FAM78B: variants seen among roughly 807,000 people sequenced by gnomAD.
FAM78B encodes the protein protein FAM78B.
In FAM78B, 10 loss-of-function variants were observed where a neutral mutation model predicts 20.0. The observed-to-expected ratio is 0.50, with a 90% CI of 0.31 to 0.85. FAM78B has a LOEUF of 0.85. Ranked by LOEUF, FAM78B falls within the 40% of genes least tolerant of loss-of-function variation. The pLI is 0.05. For synonymous variants in FAM78B, 135 were observed against 132.8 expected (o/e 1.02, Z -0.12); for missense variants, 283 against 345.0 (o/e 0.82, Z 1.42).
intron 1 of FAM78B, among the ~76,000 whole-genome samples, chr1:166,145,996 T>A (rs1655439065): frequency 6.6e-6 from 1 of 152,190 alleles, no homozygotes; most frequent in Non-Finnish European, 1.5e-5. Flanking sequence ...TTCTTTTCAT[T>A]TGCGAAGGAG....
chr1:166,104,917 A>G (rs1009815964), intron 1 of FAM78B, among the ~76,000 whole-genome samples: 2 of 152,236 alleles, frequency 1.3e-5, no homozygotes, highest in African/African-American at 4.8e-5. Flanking sequence ...AGCAAAAAGA[A>G]CAAAGCTGGA....
rs147935609 is a variant in FAM78B at position 166,109,059 on chromosome 1, G to C, written c.264-38296C>G. On this transcript the variant is annotated intron_variant, in intron 1 of 1. Coordinates refer to ENST00000354422, the MANE Select transcript of FAM78B (RefSeq NM_001017961.5). ...AAGACCCAAAACTATAAAAATTCTA[G>C]AAGATAACACTGGAAAAACCCTTCT... is the stretch of plus-strand genomic sequence containing the variant. Among the ~76,000 whole-genome samples the C allele has an allele frequency of 1.7e-4, 26 of 152,244 alleles. 1 individual carries two copies. The highest frequency in any genetic ancestry group is 5.1e-4 in the African/African-American group (21 of 41,558).
At chr1:166,062,229 A>G (rs1243082835) in intron 2 of FAM78B, among the ~76,000 whole-genome samples, 1 of 152,180 alleles carries the variant, frequency 6.6e-6, no homozygotes, top group Admixed American at 6.5e-5. Flanking sequence ...GGCCTGCATC[A>G]GACCACCATC....
chr1:166,114,198 T>C (rs1654173385), intron 1 of FAM78B, among the ~76,000 whole-genome samples: 2 of 152,214 alleles, frequency 1.3e-5, no homozygotes, highest in Admixed American at 1.3e-4. Flanking sequence ...TTTGAGGTGC[T>C]AACACATGCA....
rs373754478 is a variant in FAM78B at position 166,154,748 on chromosome 1, GA to G, written c.263+11237del. 1.9e-4 allele frequency: 100 copies of G among 521,366 alleles called. 1 individual carries two copies. The East Asian group carries it at 5.1e-3, about 27-fold the overall frequency. 32.3% of individuals were successfully genotyped at this position (521,366 alleles called of 1,614,324 possible). A position where few individuals can be genotyped will look rare whatever the true frequency, so the allele number is the denominator to read the frequency against. Reference sequence around the variant, plus strand: ...GCCCTGACCCACAGAATTAGCCAGTGATCCAGGCCCATGGACCTGAGTCTGA... The same window carrying G: ...GCCCTGACCCACAGAATTAGCCAGTGTCCAGGCCCATGGACCTGAGTCTGA... On this transcript the variant is annotated intron_variant, in intron 1 of 1. Transcript: ENST00000354422.
At chr1:166,163,455 C>T (rs992823191) in intron 1 of FAM78B, among the ~76,000 whole-genome samples, 8 of 152,164 alleles carry the variant, frequency 5.3e-5, no homozygotes, top group African/African-American at 1.9e-4. Flanking sequence ...GAGTTTCTTG[C>T]CATTTTATGT....
At chr1:166,071,953 GC>G (rs1652048093) in intron 1 of FAM78B, among the ~76,000 whole-genome samples, 1 of 152,178 alleles carries the variant, frequency 6.6e-6, no homozygotes, top group African/African-American at 2.4e-5. Flanking sequence ...AGTCTAGTCA[GC>G]AGAGTGTTGA....
chr1:166,057,214 G>GT (rs1249820099), downstream of FAM78B, among the ~76,000 whole-genome samples: 1 of 152,182 alleles, frequency 6.6e-6, no homozygotes, highest in Non-Finnish European at 1.5e-5. Flanking sequence ...TCCCCTTACA[G>GT]TTGTCCATGC....
chr1:166,056,285 T>TAGAG (rs756989334), downstream of FAM78B, among the ~76,000 whole-genome samples: 1 of 144,600 alleles, frequency 6.9e-6, no homozygotes. Flanking sequence ...TGTGCGTGTG[T>TAGAG]AGAGAGAGAG....
intron 1 of FAM78B, among the ~76,000 whole-genome samples, chr1:166,102,877 C>G (rs1200742540): frequency 1.3e-5 from 2 of 152,168 alleles, no homozygotes; most frequent in Non-Finnish European, 2.9e-5. Context: ...ATCTACAGAA[C>G]TCTCCACCCC....
intron 1 of FAM78B, among the ~76,000 whole-genome samples, chr1:166,096,549 C>CT (rs577880741): frequency 1.1e-3 from 160 of 152,354 alleles, no homozygotes; most frequent in African/African-American, 3.8e-3. Context: ...ATTCCTGGTT[C>CT]TGCGAAGTCC....
chr1:166,104,107 T>C (rs1653662087), intron 1 of FAM78B, among the ~76,000 whole-genome samples: 3 of 152,246 alleles, frequency 2.0e-5, no homozygotes, highest in African/African-American at 7.2e-5. Context: ...AAAAACCACA[T>C]GATTATCTCA....
intron 1 of FAM78B, among the ~76,000 whole-genome samples, chr1:166,109,890 G>GTATATATGTGTATATATATATA (rs1557903394): frequency 1.1e-3 from 26 of 23,190 alleles, no homozygotes; most frequent in Non-Finnish European, 2.6e-3. Flanking sequence ...ATGTATATAT[G>GTATATATGTGTATATATATATA]TATATATATA....
At chr1:166,104,691 A>G (rs1653691430) in intron 1 of FAM78B, among the ~76,000 whole-genome samples, 1 of 152,216 alleles carries the variant, frequency 6.6e-6, no homozygotes, top group Admixed American at 6.5e-5. Context: ...ACCACTGCTC[A>G]ACAAAATAAA....
Position 166,166,136 on chromosome 1 carries a change from G to T in FAM78B, c.113C>A (p.Ser38Ter). 6.2e-7 allele frequency: 1 copy of T among 1,609,104 alleles called. No homozygotes were observed. Among genetic ancestry groups the T allele is most frequent in the East Asian group, 2.2e-5 (1 of 44,520 alleles). The change falls in exon 1 of 2, where the codon TCG becomes TAG. Residue 38 changes from serine to a stop codon, truncating the protein, a stop_gained. Coordinates refer to ENST00000354422, the MANE Select transcript of FAM78B (RefSeq NM_001017961.5). LOFTEE classifies it high-confidence loss of function. ...DQCPTRIEET[S>*]PIVLRYKTPY... ...GGTCTTGTAGCGCAGGACGATGGGC[G>T]AGGTCTCCTCGATGCGCGTGGGGCA...
chr1:166,141,675 T>C (rs16856617), intron 1 of FAM78B, among the ~76,000 whole-genome samples: 3,584 of 152,294 alleles, frequency 0.024, 167 homozygotes, highest in African/African-American at 0.082. Flanking sequence ...TGATGGGAGG[T>C]ACGTATCTAT....
At chr1:166,084,237 A>ACACACACACACACACACT (rs771421402) in intron 1 of FAM78B, among the ~76,000 whole-genome samples, 170 of 125,464 alleles carry the variant, frequency 1.4e-3, no homozygotes, top group African/African-American at 4.6e-3. Context: ...ACACACACAC[A>ACACACACACACACACACT]CTCTCTCTCT....
rs113411950 is a variant in FAM78B at position 166,161,156 on chromosome 1, T to A, written c.263+4830A>T. ...TCAGAGAACAGAAAGAGATTTTCTT[T>A]CTTTTTTTTTTTTTGAAACAGACTC... On this transcript the variant is annotated intron_variant, in intron 1 of 1. Coordinates refer to ENST00000354422, the MANE Select transcript of FAM78B (RefSeq NM_001017961.5). Among the ~76,000 whole-genome samples the A allele has an allele frequency of 1.1e-3, 170 of 151,506 alleles. 1 individual carries two copies. Among genetic ancestry groups the A allele is most frequent in the African/African-American group, 4.0e-3 (164 of 41,492 alleles).
intron 1 of FAM78B, among the ~76,000 whole-genome samples, chr1:166,143,756 A>C (rs1012618284): frequency 2.0e-5 from 3 of 152,116 alleles, no homozygotes; most frequent in African/African-American, 7.2e-5. Flanking sequence ...TCTGAGAAAG[A>C]TCAAGAGGTT....
Sources: allele counts gnomAD v4.1 joint callset (sites outside exome capture counted in the v4.1 genomes callset), GRCh38; gene constraint gnomAD v4.1.1; transcripts MANE v1.5; gene names NCBI Gene and HGNC (gene_info 2026-07-23, HGNC 2026-07-21).